The following SHOC1 variants were observed in gnomAD, a reference collection of about 807,000 sequenced individuals.
SHOC1 encodes shortage in chiasmata 1, also known as protein shortage in chiasmata 1 ortholog.
A neutral mutation model predicts 179.2 loss-of-function variants in SHOC1; 136 were observed. The observed-to-expected ratio is 0.76, with a 90% CI of 0.66 to 0.87. The LOEUF (loss-of-function observed/expected upper bound fraction) is 0.87. Ranked by LOEUF, SHOC1 falls within the 40% of genes least tolerant of loss-of-function variation. The pLI is 0.00. For missense variants in SHOC1, 1,538 were observed against 1,700.8 expected (o/e 0.90, Z 1.68); for synonymous variants, 489 against 586.6 (o/e 0.83, Z 2.41).
chr9:111,761,853 T>C (rs376801973), intron 5 of SHOC1, among the ~76,000 whole-genome samples: 15 of 152,070 alleles, frequency 9.9e-5, no homozygotes, highest in East Asian at 9.6e-4. Context: ...AAAATATAAT[T>C]TTTTTGCCCA....
intron 24 of SHOC1, among the ~76,000 whole-genome samples, chr9:111,698,110 G>C (rs181748942): frequency 2.0e-5 from 3 of 152,202 alleles, no homozygotes; most frequent in African/African-American, 7.2e-5. Flanking sequence ...CAGATGGGTA[G>C]ATTGTAAAAA....
intron 2 of SHOC1, 90 bp downstream of exon 2, chr9:111,791,284 G>T (rs1836435939): frequency 4.8e-6 from 3 of 625,906 alleles, no homozygotes; most frequent in Admixed American, 8.3e-5. Context: ...AAGCATTTCA[G>T]ATAAGGGATA....
intron 5 of SHOC1, among the ~76,000 whole-genome samples, chr9:111,759,941 A>T (rs964356856): frequency 6.6e-6 from 1 of 152,130 alleles, no homozygotes; most frequent in African/African-American, 2.4e-5. Flanking sequence ...TCATGGCCAA[A>T]AGCTTCCCAT....
At chr9:111,710,474 A>G (rs1832491586) in intron 18 of SHOC1, among the ~76,000 whole-genome samples, 1 of 152,178 alleles carries the variant, frequency 6.6e-6, no homozygotes, top group South Asian at 2.1e-4. Context: ...CTACGTATAT[A>G]GAGAGGCACT....
intron 4 of SHOC1, among the ~76,000 whole-genome samples, chr9:111,778,579 A>T (rs1459552234): frequency 6.6e-6 from 1 of 151,372 alleles, no homozygotes; most frequent in African/African-American, 2.4e-5. Context: ...GACCATCCTG[A>T]CCAACATGGT....
chr9:111,776,888 C>T (rs963025394), intron 4 of SHOC1, among the ~76,000 whole-genome samples: 7 of 152,148 alleles, frequency 4.6e-5, no homozygotes, highest in East Asian at 3.9e-4. Flanking sequence ...TTTATCAAGA[C>T]GGGAATTGCA....
intron 5 of SHOC1, among the ~76,000 whole-genome samples, chr9:111,770,654 T>A (rs1036157489): frequency 6.6e-6 from 1 of 152,200 alleles, no homozygotes; most frequent in African/African-American, 2.4e-5. Flanking sequence ...GCTACTATTA[T>A]TATATTGCAG....
intron 12 of SHOC1, 21 bp downstream of exon 12, chr9:111,738,259 T>C: frequency 6.3e-7 from 1 of 1,584,350 alleles, no homozygotes; most frequent in Non-Finnish European, 8.6e-7. Context: ...ACATAACTAA[T>C]ATTTACTGTG....
chr9:111,700,260 G>GA (rs1351158467), intron 23 of SHOC1, among the ~76,000 whole-genome samples: 1 of 151,886 alleles, frequency 6.6e-6, no homozygotes, highest in Non-Finnish European at 1.5e-5. Context: ...AAATCTACGG[G>GA]ATACATGTGT....
At position 111,727,879 on chromosome 9, in the gene SHOC1, G is replaced by T. The variant is rs765580099; in HGVS notation, c.1588C>A (p.Pro530Thr). The T allele has an allele frequency of 1.2e-6, 2 of 1,612,600 alleles. No homozygotes were observed. The highest frequency in any genetic ancestry group is 1.1e-5 in the South Asian group (1 of 90,756). Residue 530 changes from proline to threonine, a missense_variant, in exon 13 of 28, where the codon CCA becomes ACA. Pro to Thr is a conservative substitution (Grantham distance 38, BLOSUM62 -1). Coordinates refer to ENST00000682961, the MANE Select transcript of SHOC1 (RefSeq NM_001378211.1). The part of the protein sequence containing the change: ...SDKGAAKEEK[P>T]KNDQEPVNRI... ...TTTACTGGTTCTTGGTCATTCTTTGGTTTTTCTTCTTTTGCTGCTCCTTTA... is the reference window on the plus strand; with the variant it reads ...TTTACTGGTTCTTGGTCATTCTTTGTTTTTTCTTCTTTTGCTGCTCCTTTA...
chr9:111,769,975 G>GTTTTTTTTTTT lies in SHOC1; in HGVS notation c.442+5815_442+5816insAAAAAAAAAAA. Among the ~76,000 whole-genome samples the GTTTTTTTTTTT allele has an allele frequency of 2.4e-3, 210 of 87,760 alleles. 6 individuals are homozygous for GTTTTTTTTTTT. Among genetic ancestry groups the GTTTTTTTTTTT allele is most frequent in the Non-Finnish European group, 2.8e-3 (130 of 45,722 alleles). The allele number at this position is 87,760 out of a possible 152,430, so 57.6% of individuals were successfully genotyped here. On this transcript the variant is annotated intron_variant, in intron 5 of 27. Transcript: ENST00000682961. ...AATCTAGCGAAAGGTTTTATCTTCTGTTTTTTTTTTGTTTTTTTTTTTTTT... is the reference window on the plus strand; with the variant it reads ...AATCTAGCGAAAGGTTTTATCTTCTGTTTTTTTTTTTTTTTTTTTTTGTTTTTTTTTTTTTT...
intron 16 of SHOC1, among the ~76,000 whole-genome samples, chr9:111,716,858 T>C (rs1832817578): frequency 6.6e-6 from 1 of 152,248 alleles, no homozygotes; most frequent in Non-Finnish European, 1.5e-5. Context: ...ATGTTGATAC[T>C]GGACCAGGTT....
intron 1 of SHOC1, among the ~76,000 whole-genome samples, chr9:111,793,275 A>G (rs982821780): frequency 1.3e-5 from 2 of 152,170 alleles, no homozygotes; most frequent in Non-Finnish European, 2.9e-5. Flanking sequence ...TCTAAAAGCC[A>G]TTGCAAAAAG....
Position 111,696,734 on chromosome 9 carries a change from GAA to G in SHOC1, c.3184-2374_3184-2373del, listed in dbSNP as rs537881027. Among the ~76,000 whole-genome samples the G allele has an allele frequency of 2.6e-4, 39 of 152,168 alleles. No individual in the cohort carries two copies. In the South Asian group the frequency reaches 8.1e-3, roughly 32 times the overall value. On this transcript the variant is annotated intron_variant, in intron 24 of 27. Coordinates refer to ENST00000682961, the MANE Select transcript of SHOC1 (RefSeq NM_001378211.1). ...GGTATCATATGCCCCATGCATAGAG[GAA>G]AAAAACTTTCTAAAGCATATTTTGC...
At chr9:111,717,272 A>G (rs1160921305) in intron 16 of SHOC1, among the ~76,000 whole-genome samples, 7 of 152,182 alleles carry the variant, frequency 4.6e-5, no homozygotes, top group Non-Finnish European at 8.8e-5. Flanking sequence ...CTAAATTATA[A>G]AACATAATTC....
intron 16 of SHOC1, among the ~76,000 whole-genome samples, chr9:111,714,965 G>A (rs1043647418): frequency 1.3e-5 from 2 of 152,174 alleles, no homozygotes; most frequent in Admixed American, 6.5e-5. Flanking sequence ...TGCTACTTAA[G>A]TGGAATTTTC....
intron 27 of SHOC1, 86 bp downstream of exon 27, chr9:111,691,465 A>G: frequency 7.3e-7 from 1 of 1,363,344 alleles, no homozygotes; most frequent in Non-Finnish European, 9.9e-7. Flanking sequence ...TAGTAATTAA[A>G]ACAAAAAAAA....
rs757108876 is a variant in SHOC1, at chr9:111,756,322, C to T, written c.862+3G>A. ...AGTAATACATTTTACAATTAATTCTCACCTCTTTCAAAAAGCTTTTCCTTT... is the reference window on the plus strand; with the variant it reads ...AGTAATACATTTTACAATTAATTCTTACCTCTTTCAAAAAGCTTTTCCTTT... On this transcript the variant is annotated splice_donor_region_variant and intron_variant, in intron 8 of 27. Transcript: ENST00000682961. The T allele has an allele frequency of 1.9e-6, 3 of 1,587,500 alleles. No homozygotes were observed. The African/African-American group carries it at 4.1e-5, about 22-fold the overall frequency.
chr9:111,693,148 A>C (rs1388402902), intron 26 of SHOC1, among the ~76,000 whole-genome samples: 2 of 151,792 alleles, frequency 1.3e-5, no homozygotes, highest in Non-Finnish European at 2.9e-5. Context: ...TCTACTAAAA[A>C]TACAAAACTT....
Sources: gnomAD v4.1 joint callset for allele counts (sites outside exome capture counted in the v4.1 genomes callset) on GRCh38, gnomAD v4.1.1 for gene constraint, MANE v1.5 for transcripts, NCBI Gene and HGNC (gene_info 2026-07-23, HGNC 2026-07-21) for gene names.